Variants in ZC3H12B observed in about 807,000 individuals in gnomAD.
ZC3H12B encodes probable ribonuclease ZC3H12B.
ZC3H12B carries 7 observed loss-of-function variants against 43.9 expected under a neutral mutation model. The observed-to-expected ratio is 0.16, with a 90% confidence interval of 0.09 to 0.30. ZC3H12B has a LOEUF of 0.30. Among genes scored for constraint, ZC3H12B ranks in the 10% least tolerant of loss-of-function variants. The probability of loss-of-function intolerance (pLI) is 1.00; values close to 1 mark genes in which losing one functional copy is unlikely to be tolerated. For missense variants in ZC3H12B, 475 were observed against 670.2 expected, an observed-to-expected ratio of 0.71 and a Z score of 3.22; for synonymous variants, 222 against 241.7, an observed-to-expected ratio of 0.92 and a Z score of 0.76.
chrX:65,241,264 C>G, the ZC3H12B span, among the ~76,000 whole-genome samples: 1 of 112,166 alleles, frequency 8.9e-6, no homozygotes, highest in Non-Finnish European at 1.9e-5. Flanking sequence ...GCTGAAATTC[C>G]CACAGGGAGG....
At chrX:65,500,889 A>G (rs1169477860) in intron 4 of ZC3H12B, among the ~76,000 whole-genome samples, 1 of 110,989 alleles carries the variant, frequency 9.0e-6, no homozygotes, top group East Asian at 2.8e-4. Flanking sequence ...TTGGATGATC[A>G]TTTGTTTTGT....
intron 3 of ZC3H12B, among the ~76,000 whole-genome samples, chrX:65,426,900 G>A (rs1454191534): frequency 9.0e-6 from 1 of 111,009 alleles, no homozygotes; most frequent in East Asian, 2.8e-4. Context: ...TGATCAAGAG[G>A]AAATACCATG....
the ZC3H12B span, among the ~76,000 whole-genome samples, chrX:65,344,245 G>A: frequency 1.8e-5 from 2 of 111,908 alleles, no homozygotes; most frequent in Non-Finnish European, 3.8e-5. Context: ...CGTTAAAATG[G>A]CCACAGTGCC....
chrX:65,174,103 A>G, the ZC3H12B span, among the ~76,000 whole-genome samples: 9 of 111,196 alleles, frequency 8.1e-5, no homozygotes, highest in East Asian at 2.3e-3. Flanking sequence ...TGCCTGCTCC[A>G]TCCTCTGGAA....
Position 65,421,766 on chromosome X carries a change from G to A in ZC3H12B, n.407+23062G>A, listed in dbSNP as rs373369986. ...CACGAGGTCAGGAGATCGAGACCACGGTGAAACCCTGTCTCTACTAAAAAT... is the reference window on the plus strand; with the variant it reads ...CACGAGGTCAGGAGATCGAGACCACAGTGAAACCCTGTCTCTACTAAAAAT... On this transcript the variant is annotated intron_variant and non_coding_transcript_variant, in intron 3 of 5. Transcript: ENST00000617377. 3.0e-4 allele frequency among the ~76,000 whole-genome samples: 33 copies of A among 111,064 alleles called. No individual in the cohort carries two copies. In the South Asian group the frequency reaches 0.01, roughly 34 times the overall value.
At chrX:65,223,303 TA>T in the ZC3H12B span, among the ~76,000 whole-genome samples, 1,513 of 100,132 alleles carry the variant, frequency 0.015, 7 homozygotes, top group Non-Finnish European at 0.021. Context: ...GACGCCGTCT[TA>T]AAAAAAAAAA....
At chrX:65,429,851 C>T (rs1322281250) in intron 3 of ZC3H12B, among the ~76,000 whole-genome samples, 1 of 112,083 alleles carries the variant, frequency 8.9e-6, no homozygotes, top group Non-Finnish European at 1.9e-5. Context: ...GGATCCCTTT[C>T]TCATTCAGAC....
At chrX:65,311,061 A>G in the ZC3H12B span, among the ~76,000 whole-genome samples, 3 of 112,294 alleles carry the variant, frequency 2.7e-5, no homozygotes, top group African/African-American at 9.7e-5. Flanking sequence ...AAATCTAGGC[A>G]ATACTATTCA....
exon 5 of ZC3H12B, chrX:65,502,061 C>T (rs750164644): frequency 1.2e-5 from 14 of 1,209,338 alleles, no homozygotes; most frequent in East Asian, 3.0e-5. Context: ...GTCCATTGCC[C>T]GTAAGCCTGA....
chrX:65,328,615 T>A, the ZC3H12B span: 4 of 158,624 alleles, frequency 2.5e-5, no homozygotes, highest in African/African-American at 9.8e-5. Flanking sequence ...GCAGGTTTGT[T>A]ACATATGTAT....
the ZC3H12B span, among the ~76,000 whole-genome samples, chrX:65,080,931 A>T: frequency 1.1e-4 from 12 of 110,949 alleles, no homozygotes; most frequent in African/African-American, 3.9e-4. Flanking sequence ...TTTTTAAGGC[A>T]TAGACAGTAT....
At chrX:65,171,328 G>T in the ZC3H12B span, among the ~76,000 whole-genome samples, 3 of 111,311 alleles carry the variant, frequency 2.7e-5, no homozygotes, top group African/African-American at 6.5e-5. Context: ...GTTTTCCTGG[G>T]TATCACCAGC....
the ZC3H12B span, among the ~76,000 whole-genome samples, chrX:65,126,865 T>A: frequency 9.2e-6 from 1 of 108,886 alleles, no homozygotes; most frequent in African/African-American, 3.3e-5. Flanking sequence ...ATTGTTTTTT[T>A]ATTTATGATA....
chrX:65,385,848 G>A (rs1007013463), intron 2 of ZC3H12B, among the ~76,000 whole-genome samples: 4 of 111,971 alleles, frequency 3.6e-5, no homozygotes, highest in Admixed American at 9.5e-5. Context: ...AGAGTTTTTA[G>A]CATGAAGGGC....
the ZC3H12B span, among the ~76,000 whole-genome samples, chrX:65,282,302 CA>C: frequency 1.8e-5 from 2 of 109,061 alleles, no homozygotes; most frequent in Admixed American, 9.8e-5. Context: ...AAGAAACCAA[CA>C]AAAAAAAGAA....
chrX:65,361,282 A>G, the ZC3H12B span, among the ~76,000 whole-genome samples: 2 of 112,064 alleles, frequency 1.8e-5, no homozygotes, highest in Non-Finnish European at 3.8e-5. Flanking sequence ...ATAAGGGGTG[A>G]CAAGAATATC....
chrX:65,146,844 C>A, the ZC3H12B span, among the ~76,000 whole-genome samples: 1 of 111,324 alleles, frequency 9.0e-6, no homozygotes, highest in Admixed American at 9.5e-5. Context: ...TAGATACAAG[C>A]ACAATATTTG....
At chrX:65,334,993 G>T in the ZC3H12B span, among the ~76,000 whole-genome samples, 1 of 111,561 alleles carries the variant, frequency 9.0e-6, no homozygotes, top group Non-Finnish European at 1.9e-5. Context: ...ATGCTTCTCT[G>T]ATCCGAACGT....
At chrX:65,396,645 G>A (rs2066702144) in intron 2 of ZC3H12B, among the ~76,000 whole-genome samples, 1 of 110,227 alleles carries the variant, frequency 9.1e-6, no homozygotes, top group African/African-American at 3.3e-5. Context: ...TTTAGAGTAA[G>A]TGCTATGTGG....
Sources: allele counts gnomAD v4.1 joint callset (sites outside exome capture counted in the v4.1 genomes callset), GRCh38; gene constraint gnomAD v4.1.1; transcripts MANE v1.5; gene names NCBI Gene and HGNC (gene_info 2026-07-23, HGNC 2026-07-21).